IRAG1: variants seen among roughly 807,000 people sequenced by gnomAD.
IRAG1 encodes inositol 1,4,5-triphosphate receptor associated 1.
IRAG1 carries 62 observed loss-of-function variants against 106.2 expected under a neutral mutation model. The ratio of observed to expected loss-of-function variants is 0.58; its 90% CI spans 0.48 to 0.72. IRAG1 has a LOEUF of 0.72. IRAG1 is among the 30% of genes least tolerant of loss of function. IRAG1 has a pLI of 0.00. For synonymous variants in IRAG1, 462 were observed against 443.9 expected, an observed-to-expected ratio of 1.04 and a Z score of -0.51; for missense variants, 1,064 against 1,140.7, an observed-to-expected ratio of 0.93 and a Z score of 0.97.
At chr11:10,613,852 A>G (rs1855176159) in intron 10 of IRAG1, among the ~76,000 whole-genome samples, 1 of 152,282 alleles carries the variant, frequency 6.6e-6, no homozygotes, top group Non-Finnish European at 1.5e-5. Context: ...TCCTGGAGTG[A>G]CAGCCCCTCT....
chr11:10,630,582 C>A (rs965460387), intron 4 of IRAG1, among the ~76,000 whole-genome samples: 5 of 152,232 alleles, frequency 3.3e-5, no homozygotes, highest in African/African-American at 9.6e-5. Flanking sequence ...TCCCATCCCC[C>A]ACTGCCTATC....
At chr11:10,580,919 G>A (rs924883647) in intron 19 of IRAG1, among the ~76,000 whole-genome samples, 1 of 152,210 alleles carries the variant, frequency 6.6e-6, no homozygotes, top group East Asian at 1.9e-4. Flanking sequence ...CCATGTGACC[G>A]TGGAGCTTCA....
At chr11:10,675,116 C>T (rs1165000685) in intron 1 of IRAG1, among the ~76,000 whole-genome samples, 3 of 152,208 alleles carry the variant, frequency 2.0e-5, no homozygotes, top group Non-Finnish European at 4.4e-5. Flanking sequence ...TGAAGATCTC[C>T]CTGGCTGTGC....
chr11:10,624,620 G>A (rs1451018749), intron 9 of IRAG1, among the ~76,000 whole-genome samples: 1 of 152,080 alleles, frequency 6.6e-6, no homozygotes, highest in Non-Finnish European at 1.5e-5. Context: ...CCCCCGAGAA[G>A]GGAGGAAAGG....
chr11:10,613,655 C>A (rs913740289), intron 10 of IRAG1, among the ~76,000 whole-genome samples: 2 of 152,122 alleles, frequency 1.3e-5, no homozygotes, highest in African/African-American at 4.8e-5. Context: ...AATGTTATAA[C>A]CTTAATGATG....
Position 10,628,967 on chromosome 11 carries a change from T to C in IRAG1, c.575-139A>G. The stretch of plus-strand genomic sequence containing the variant: ...CTCAGGGGCTGATGCTGGACTGCAA[T>C]ATGATGCTCCTGTTACAGCCCAACC... On this transcript the variant is annotated intron_variant, in intron 5 of 20. Transcript: ENST00000423302. This position sits in a 1 kb window ranked among gnomAD's most constrained non-coding sequence, Gnocchi z 4.1. 1.3e-6 allele frequency: 1 copy of C among 771,896 alleles called. No individual in the cohort carries two copies. Among genetic ancestry groups the C allele is most frequent in the Non-Finnish European group, 2.1e-6 (1 of 479,868 alleles). The allele number at this position is 771,896 out of a possible 1,614,324, so 47.8% of individuals were successfully genotyped here.
chr11:10,653,099 G>C (rs905979936), intron 1 of IRAG1, among the ~76,000 whole-genome samples: 1 of 152,112 alleles, frequency 6.6e-6, no homozygotes, highest in Non-Finnish European at 1.5e-5. Context: ...AGCCTACATC[G>C]ATGAGCTTAA....
chr11:10,609,566 C>T (rs1014071079), intron 11 of IRAG1, among the ~76,000 whole-genome samples, 162 bp downstream of exon 11: 5 of 152,176 alleles, frequency 3.3e-5, no homozygotes, highest in Admixed American at 3.3e-4. Flanking sequence ...CCTGGCCTTT[C>T]ATTATTCTTT....
chr11:10,590,654 A>G (rs1852541540), intron 18 of IRAG1, among the ~76,000 whole-genome samples: 1 of 140,132 alleles, frequency 7.1e-6, no homozygotes, highest in African/African-American at 2.9e-5. Flanking sequence ...GATGTTTTTC[A>G]GCAAGCAAAT....
chr11:10,619,023 G>A (rs144827924), intron 10 of IRAG1, among the ~76,000 whole-genome samples: 1 of 152,278 alleles, frequency 6.6e-6, no homozygotes, highest in Non-Finnish European at 1.5e-5. Flanking sequence ...GACTGATAAT[G>A]GTAGCTGGGA....
intron 4 of IRAG1, among the ~76,000 whole-genome samples, chr11:10,630,402 C>T (rs1856602304): frequency 6.6e-6 from 1 of 150,722 alleles, no homozygotes; most frequent in Non-Finnish European, 1.5e-5. Context: ...GACAGAGTCT[C>T]ACTCTGTGGC....
Position 10,576,487 on chromosome 11 carries a change from T to C in IRAG1, c.2584A>G (p.Met862Val), listed in dbSNP as rs1268129370. 1.2e-6 allele frequency: 2 copies of C among 1,613,884 alleles called. No individual in the cohort carries two copies. The highest frequency in any genetic ancestry group is 1.7e-5 in the Admixed American group (1 of 60,004). The change falls in exon 21 of 21, where the codon ATG (methionine) becomes GTG (valine). Residue 862 changes from methionine (M) to valine (V), a missense_variant. Transcript: ENST00000423302. ...WQVIWMMAAV[M>V]LVLTVVLGLY... is the part of the protein sequence containing the mutation. ...CCCAGCACAACAGTCAAGACCAGCA[T>C]CACTGCAGCCATCATCCAGATCACT... is the stretch of plus-strand genomic sequence containing the variant.
chr11:10,629,222 A>C (rs1856505706), intron 5 of IRAG1, among the ~76,000 whole-genome samples: 2 of 152,084 alleles, frequency 1.3e-5, no homozygotes, highest in South Asian at 4.1e-4. Context: ...CACTTGCCCA[A>C]CTTTTTGCTC....
At chr11:10,679,512 A>G (rs1860974483) in intron 1 of IRAG1, among the ~76,000 whole-genome samples, 2 of 152,242 alleles carry the variant, frequency 1.3e-5, no homozygotes, top group Non-Finnish European at 2.9e-5. Flanking sequence ...CCAGAGTCAC[A>G]GAGCTAATGG....
rs574300751 is a variant in IRAG1 at position 10,628,099 on chromosome 11, C to T, written c.653-74G>A. 6 of 1,505,178 alleles carry T rather than the reference C, an allele frequency of 4.0e-6. No individual in the cohort carries two copies. The highest frequency in any genetic ancestry group is 5.5e-6 in the Non-Finnish European group (6 of 1,090,680). 93.2% of individuals were successfully genotyped at this position (1,505,178 alleles called of 1,614,324 possible). A position where few individuals can be genotyped will look rare whatever the true frequency, so the allele number is the denominator to read the frequency against. ...CAGCTGTGCTTTCAGCCACATCTCCCTCCCCGGGCTATCCTCCCTTTGCAA... is the reference window on the plus strand; with the variant it reads ...CAGCTGTGCTTTCAGCCACATCTCCTTCCCCGGGCTATCCTCCCTTTGCAA... On this transcript the variant is annotated intron_variant, in intron 6 of 20. Coordinates refer to ENST00000423302, the MANE Select transcript of IRAG1 (RefSeq NM_130385.4). The surrounding 1 kb of genome is among the most constrained non-coding windows in gnomAD (Gnocchi z 4.1).
intron 15 of IRAG1, 108 bp downstream of exon 15, chr11:10,600,810 T>C: frequency 7.0e-7 from 1 of 1,430,168 alleles, no homozygotes; most frequent in African/African-American, 1.4e-5. Flanking sequence ...GGAGTGCTGC[T>C]CAACTGGAAA....
At position 10,693,609 on chromosome 11, in the gene IRAG1, T is replaced by C. The variant is rs1564949930; in HGVS notation, c.-7A>G. The C allele has an allele frequency of 3.3e-6, 5 of 1,534,920 alleles. No homozygotes were observed. The highest frequency in any genetic ancestry group is 4.4e-6 in the Non-Finnish European group (5 of 1,146,870). ...TCTGGGGAGCTTTTACCATTTAAGG[T>C]CAATGTTACATCTGGCTCCGGAGCT... On this transcript the variant is annotated 5_prime_UTR_variant, in exon 1 of 21. Transcript: ENST00000423302.
intron 10 of IRAG1, among the ~76,000 whole-genome samples, chr11:10,613,526 A>T (rs1238317783): frequency 6.6e-6 from 1 of 152,258 alleles, no homozygotes; most frequent in Non-Finnish European, 1.5e-5. Flanking sequence ...AAATCCAGCT[A>T]AACAAGACAT....
chr11:10,591,533 A>G lies in IRAG1; in HGVS notation c.2240+15T>C. 2 of 1,582,750 alleles carry G rather than the reference A, an allele frequency of 1.3e-6. No individual in the cohort carries two copies. The highest frequency in any genetic ancestry group is 2.7e-5 in the African/African-American group (2 of 74,450). ...GAGAGATCCCTGAAGCCAAGAGGAAAATCGACAAACTTACTTTTCCAAAAG... is the reference window on the plus strand; with the variant it reads ...GAGAGATCCCTGAAGCCAAGAGGAAGATCGACAAACTTACTTTTCCAAAAG... On this transcript the variant is annotated intron_variant, in intron 18 of 20. Transcript: ENST00000423302.
Sources: allele counts gnomAD v4.1 joint callset (sites outside exome capture counted in the v4.1 genomes callset), GRCh38; gene constraint gnomAD v4.1.1; non-coding constraint Gnocchi (gnomAD v3.1); transcripts MANE v1.5; gene names NCBI Gene and HGNC (gene_info 2026-07-23, HGNC 2026-07-21).